The following BBS4 variants were observed in gnomAD, a reference collection of about 807,000 sequenced individuals.
BBS4 encodes Bardet-Biedl syndrome 4.
BBS4 carries 58 observed loss-of-function variants against 71.4 expected under a neutral mutation model. That is an observed-to-expected ratio of 0.81 (90% CI 0.66 to 1.01). The LOEUF (loss-of-function observed/expected upper bound fraction) is 1.01. BBS4 is among the 50% of genes least tolerant of loss of function. The pLI is 0.00. For missense variants in BBS4, 660 were observed against 607.9 expected (o/e 1.09, Z -0.90); for synonymous variants, 228 against 216.8 (o/e 1.05, Z -0.46).
In BBS4 at chr15:72,731,435, T is replaced by C; in HGVS notation, c.842T>C (p.Phe281Ser). The change falls in exon 11 of 16, where the codon TTT becomes TCT. Residue 281 changes from phenylalanine to serine, a missense_variant. Phe to Ser is a radical substitution (Grantham distance 155, BLOSUM62 -2). Transcript: ENST00000268057. The stretch of plus-strand genomic sequence containing the variant: ...TGGAATAACATTGGAATGTGTTTCT[T>C]TGGCAAGAAGAAATATGTGGCGGTG... ...PLWNNIGMCF[F>S]GKKKYVAAIS... 2 of 1,614,206 alleles carry C rather than the reference T, an allele frequency of 1.2e-6. No homozygotes were observed. Among genetic ancestry groups the C allele is most frequent in the Non-Finnish European group, 1.7e-6 (2 of 1,180,048 alleles).
chr15:72,730,346 C>T (rs1595945756), intron 10 of BBS4, among the ~76,000 whole-genome samples: 1 of 151,146 alleles, frequency 6.6e-6, no homozygotes, highest in Non-Finnish European at 1.5e-5. Context: ...CCTGTAATCC[C>T]AGCACTTTGG....
intron 14 of BBS4, 81 bp downstream of exon 14, chr15:72,736,047 C>T (rs545352650): frequency 1.3e-6 from 2 of 1,507,254 alleles, no homozygotes; most frequent in Non-Finnish European, 1.8e-6. Flanking sequence ...CATCCAAATC[C>T]AAGGTATTAC....
chr15:72,706,833 T>C (rs1214449917), intron 2 of BBS4, among the ~76,000 whole-genome samples: 1 of 152,184 alleles, frequency 6.6e-6, no homozygotes, highest in Non-Finnish European at 1.5e-5. Context: ...TACTTCTTTT[T>C]TATTTTTTTA....
intron 2 of BBS4, among the ~76,000 whole-genome samples, chr15:72,705,500 A>T (rs952599238): frequency 6.6e-6 from 1 of 151,556 alleles, no homozygotes; most frequent in Non-Finnish European, 1.5e-5. Context: ...AGTTCCATTT[A>T]ATGAGCGTTT....
intron 4 of BBS4, among the ~76,000 whole-genome samples, chr15:72,713,974 C>A (rs1306331913): frequency 2.0e-5 from 3 of 152,186 alleles, no homozygotes; most frequent in Non-Finnish European, 4.4e-5. Flanking sequence ...CTATGATTAC[C>A]CATTTTTTAG....
chr15:72,695,033 TTAAAG>T, intron 1 of BBS4, 139 bp from the exon 2 acceptor site: 1 of 611,000 alleles, frequency 1.6e-6, no homozygotes, highest in Non-Finnish European at 2.9e-6. Context: ...TAAACCATAT[TTAAAG>T]TAACTCTATC....
chr15:72,693,861 T>A (rs1421420206), intron 1 of BBS4, among the ~76,000 whole-genome samples: 1 of 152,066 alleles, frequency 6.6e-6, no homozygotes, highest in Non-Finnish European at 1.5e-5. Flanking sequence ...GAGCCAGCTG[T>A]CAGTCTTTTT....
rs916974089 is a variant in BBS4 at position 72,731,212 on chromosome 15, G to C, written c.712-93G>C. ...GAAATTTTCCAGTCCCATCTATGCT[G>C]ATGGGCCTGCTGAGTATAGACTCAG... On this transcript the variant is annotated intron_variant, in intron 10 of 15. Transcript: ENST00000268057. 12 of 1,527,476 alleles carry C rather than the reference G, an allele frequency of 7.9e-6. No homozygotes were observed. The African/African-American group carries it at 1.5e-4, about 19-fold the overall frequency. 94.6% of individuals were successfully genotyped at this position (1,527,476 alleles called of 1,614,324 possible).
At chr15:72,737,375 T>C in intron 15 of BBS4, 103 bp from the exon 16 acceptor site, 1 of 1,002,840 alleles carries the variant, frequency 1.0e-6, no homozygotes, top group Non-Finnish European at 1.5e-6. Context: ...GTCCCACTGG[T>C]TCCAGAAAAT....
In BBS4 at chr15:72,737,104, C is replaced by G. The variant is rs1038216262; in HGVS notation, c.1450+141C>G. ...TGGCCACAAGGGGAGAAAAAAAACA[C>G]AGGGTGGCTAAATTGGCACTTGTTT... is the stretch of plus-strand genomic sequence containing the variant. On this transcript the variant is annotated intron_variant, in intron 15 of 15. Coordinates refer to ENST00000268057, the MANE Select transcript of BBS4 (RefSeq NM_033028.5). 1.0e-4 allele frequency: 106 copies of G among 1,064,652 alleles called. No individual in the cohort carries two copies. The African/African-American group carries it at 1.6e-3, about 16-fold the overall frequency. 66.0% of individuals were successfully genotyped at this position (1,064,652 alleles called of 1,614,324 possible). A position where few individuals can be genotyped will look rare whatever the true frequency, so the allele number is the denominator to read the frequency against.
intron 8 of BBS4, among the ~76,000 whole-genome samples, chr15:72,725,051 T>G (rs1279186575): frequency 3.9e-4 from 39 of 101,174 alleles, no homozygotes; most frequent in South Asian, 1.2e-3. Flanking sequence ...TATATATATA[T>G]ATATATAGAG....
chr15:72,693,041 G>A (rs551090291), intron 1 of BBS4, among the ~76,000 whole-genome samples: 2 of 151,934 alleles, frequency 1.3e-5, no homozygotes, highest in South Asian at 4.2e-4. Flanking sequence ...TTCCTTTAAT[G>A]AGTACCAAAG....
chr15:72,724,103 CTATT>C (rs2065624661), intron 7 of BBS4, among the ~76,000 whole-genome samples: 1 of 152,134 alleles, frequency 6.6e-6, no homozygotes, highest in Admixed American at 6.5e-5. Context: ...TGAGAACAAT[CTATT>C]TATTCATTTA....
intron 1 of BBS4, among the ~76,000 whole-genome samples, chr15:72,691,636 T>C (rs1434005076): frequency 6.6e-6 from 1 of 152,220 alleles, no homozygotes; most frequent in Non-Finnish European, 1.5e-5. Context: ...TTCCACTAGA[T>C]GGAGATCGGG....
intron 2 of BBS4, among the ~76,000 whole-genome samples, chr15:72,707,008 A>G (rs1595918733): frequency 6.6e-6 from 1 of 152,010 alleles, no homozygotes; most frequent in African/African-American, 2.4e-5. Context: ...TGTTCAGGCA[A>G]CATTAACTCT....
rs578008774 is a variant in BBS4 at position 72,723,605 on chromosome 15, A to G, written c.459+758A>G. Among the ~76,000 whole-genome samples the G allele has an allele frequency of 1.8e-4, 28 of 152,338 alleles. No homozygotes were observed. The South Asian group carries it at 4.6e-3, about 25-fold the overall frequency. On this transcript the variant is annotated intron_variant, in intron 7 of 15. Coordinates refer to ENST00000268057, the MANE Select transcript of BBS4 (RefSeq NM_033028.5). The stretch of plus-strand genomic sequence containing the variant: ...ATTTGACAATGTTTAGTTTGTGTCA[A>G]TTTGCAGACTGGTGTAACTAGTATC...
At chr15:72,693,597 TGTTTATAGAC>T (rs2065024498) in intron 1 of BBS4, among the ~76,000 whole-genome samples, 1 of 152,244 alleles carries the variant, frequency 6.6e-6, no homozygotes, top group Non-Finnish European at 1.5e-5. Context: ...TCACAAATTT[TGTTTATAGAC>T]ACTGAAATTT....
At chr15:72,711,683 G>T (rs1172369691) in intron 3 of BBS4, among the ~76,000 whole-genome samples, 2 of 152,064 alleles carry the variant, frequency 1.3e-5, no homozygotes, top group African/African-American at 2.4e-5. Flanking sequence ...TAGCTTGAGA[G>T]CTGTACAAAA....
Position 72,737,823 on chromosome 15 carries a change from T to C in BBS4, c.*236T>C, listed in dbSNP as rs1433366509. Reference sequence around the variant, plus strand: ...AAAAGTGAAAAGAGAACACAGTTCCTTTAAGAACTGGCAGCAAGGCTTGAG... The same window carrying C: ...AAAAGTGAAAAGAGAACACAGTTCCCTTAAGAACTGGCAGCAAGGCTTGAG... On this transcript the variant is annotated 3_prime_UTR_variant, in exon 16 of 16. Coordinates refer to ENST00000268057, the MANE Select transcript of BBS4 (RefSeq NM_033028.5). 2 of 538,658 alleles carry C rather than the reference T, an allele frequency of 3.7e-6. No homozygotes were observed. The highest frequency in any genetic ancestry group is 3.1e-5 in the South Asian group (2 of 65,234). The allele number at this position is 538,658 out of a possible 1,614,324, so 33.4% of individuals were successfully genotyped here.
Sources: gnomAD v4.1 joint callset for allele counts (sites outside exome capture counted in the v4.1 genomes callset) on GRCh38, gnomAD v4.1.1 for gene constraint, MANE v1.5 for transcripts, NCBI Gene and HGNC (gene_info 2026-07-23, HGNC 2026-07-21) for gene names.